EPB41: variants seen among roughly 807,000 people sequenced by gnomAD.
EPB41 encodes erythrocyte membrane protein band 4.1.
A neutral mutation model predicts 108.0 loss-of-function variants in EPB41; 65 were observed. The ratio of observed to expected loss-of-function variants is 0.60; its 90% CI spans 0.49 to 0.74. EPB41 has a LOEUF of 0.74. EPB41 is among the 30% of genes least tolerant of loss of function. The pLI is 0.00. For synonymous variants in EPB41, 336 were observed against 358.9 expected (o/e 0.94, Z 0.72); for missense variants, 875 against 1,037.0 (o/e 0.84, Z 2.15).
chr1:29,100,835 G>C (rs1665083162), intron 17 of EPB41, among the ~76,000 whole-genome samples: 1 of 150,046 alleles, frequency 6.7e-6, no homozygotes, highest in Non-Finnish European at 1.5e-5. Context: ...AGGCTGAGTT[G>C]GGAAGATTTC....
intron 12 of EPB41, among the ~76,000 whole-genome samples, chr1:29,054,727 G>A (rs1226262940): frequency 6.6e-6 from 1 of 152,108 alleles, no homozygotes; most frequent in East Asian, 1.9e-4. Flanking sequence ...ACGCACATCT[G>A]TAGTCCCAGC....
At chr1:29,027,621 G>C (rs1052336952) in intron 7 of EPB41, among the ~76,000 whole-genome samples, 1 of 151,704 alleles carries the variant, frequency 6.6e-6, no homozygotes, top group Non-Finnish European at 1.5e-5. Context: ...ATGAGCCACC[G>C]CGCCTGGCTG....
chr1:28,951,568 A>T (rs1015405111), intron 1 of EPB41, among the ~76,000 whole-genome samples: 2 of 152,168 alleles, frequency 1.3e-5, no homozygotes, highest in Admixed American at 1.3e-4. Flanking sequence ...TGAAATCGAG[A>T]TCAGGCTGGG....
chr1:28,910,388 T>A (rs1292647650), upstream of EPB41, among the ~76,000 whole-genome samples: 1 of 152,214 alleles, frequency 6.6e-6, no homozygotes, highest in Non-Finnish European at 1.5e-5. Context: ...CATATACTTT[T>A]GGTACCAGCA....
intron 1 of EPB41, among the ~76,000 whole-genome samples, chr1:28,968,582 C>G (rs1397722882): frequency 6.6e-6 from 1 of 152,036 alleles, no homozygotes; most frequent in African/African-American, 2.4e-5. Context: ...GAACCTGACA[C>G]TTAATATAAA....
intron 1 of EPB41, among the ~76,000 whole-genome samples, chr1:28,964,337 G>C (rs2095305713): frequency 6.6e-6 from 1 of 152,194 alleles, no homozygotes; most frequent in South Asian, 2.1e-4. Context: ...AGCTACTCAG[G>C]AGGCTGAGGC....
intron 19 of EPB41, among the ~76,000 whole-genome samples, chr1:29,114,287 A>G (rs1241220897): frequency 6.6e-6 from 1 of 151,954 alleles, no homozygotes; most frequent in African/African-American, 2.4e-5. Flanking sequence ...TCAAACAGGG[A>G]CCCCCTCAGA....
At chr1:29,096,585 C>T in intron 16 of EPB41, 1 of 985,626 alleles carries the variant, frequency 1.0e-6, no homozygotes, top group Non-Finnish European at 1.2e-6. Flanking sequence ...CAGTTCCCCA[C>T]CCTCATTCGA....
chr1:28,940,110 T>C (rs1410182098), intron 1 of EPB41, among the ~76,000 whole-genome samples: 1 of 152,118 alleles, frequency 6.6e-6, no homozygotes, highest in Non-Finnish European at 1.5e-5. Context: ...TAACACTTGA[T>C]AGGAGGAGTT....
intron 1 of EPB41, among the ~76,000 whole-genome samples, chr1:28,955,201 A>G (rs1238100724): frequency 1.3e-5 from 2 of 152,204 alleles, no homozygotes; most frequent in African/African-American, 2.4e-5. Flanking sequence ...GGGTATTTGT[A>G]CAAGAACTAA....
Position 28,997,330 on chromosome 1 carries a change from T to G in EPB41, c.786+11T>G. The stretch of plus-strand genomic sequence containing the variant: ...AACGCAACCTCTAAGGTGAGGAGAC[T>G]GCTTGCAATTTAAGAAGCTGACAAA... On this transcript the variant is annotated intron_variant, in intron 4 of 20. Coordinates refer to ENST00000343067, the MANE Select transcript of EPB41 (RefSeq NM_001376013.1). The G allele has an allele frequency of 2.0e-6, 3 of 1,526,344 alleles. No homozygotes were observed. Among genetic ancestry groups the G allele is most frequent in the Non-Finnish European group, 2.7e-6 (3 of 1,100,082 alleles). The allele number at this position is 1,526,344 out of a possible 1,614,324, so 94.6% of individuals were successfully genotyped here.
At chr1:29,002,416 C>A (rs1025172719) in intron 4 of EPB41, among the ~76,000 whole-genome samples, 1 of 150,102 alleles carries the variant, frequency 6.7e-6, no homozygotes, top group Admixed American at 6.6e-5. Context: ...TACACCACTG[C>A]ACTTGCCTGG....
intron 1 of EPB41, among the ~76,000 whole-genome samples, chr1:28,951,835 G>A (rs894441731): frequency 2.0e-5 from 3 of 152,036 alleles, no homozygotes; most frequent in African/African-American, 7.2e-5. Context: ...GCCTGATTGT[G>A]CCATCGTACT....
chr1:29,014,113 T>TA (rs1458339135), intron 5 of EPB41, among the ~76,000 whole-genome samples: 2 of 151,862 alleles, frequency 1.3e-5, no homozygotes, highest in Non-Finnish European at 2.9e-5. Context: ...GGTCAGGAGT[T>TA]AGAGAGCAGC....
intron 12 of EPB41, among the ~76,000 whole-genome samples, chr1:29,057,178 C>A (rs1374251928): frequency 1.3e-5 from 2 of 151,746 alleles, no homozygotes; most frequent in Non-Finnish European, 2.9e-5. Context: ...AGATCGAGAC[C>A]ATCCTGGCTA....
intron 1 of EPB41, among the ~76,000 whole-genome samples, chr1:28,980,307 C>T (rs1011904993): frequency 1.3e-5 from 2 of 151,958 alleles, no homozygotes; most frequent in African/African-American, 4.8e-5. Flanking sequence ...CATTGCACTC[C>T]AGCCTGGGCC....
At chr1:29,076,097 T>A (rs1173021972) in intron 16 of EPB41, among the ~76,000 whole-genome samples, 2 of 152,244 alleles carry the variant, frequency 1.3e-5, no homozygotes, top group Non-Finnish European at 2.9e-5. Context: ...TCTATCTTTT[T>A]CCACATTACT....
At chr1:29,062,952 A>G (rs538805966) in intron 15 of EPB41, among the ~76,000 whole-genome samples, 1 of 152,204 alleles carries the variant, frequency 6.6e-6, no homozygotes, top group Non-Finnish European at 1.5e-5. Flanking sequence ...TTCCAAGCCA[A>G]TCCGAAGCTA....
intron 1 of EPB41, chr1:28,985,935 G>A (rs2095860935): frequency 1.3e-5 from 2 of 150,290 alleles, no homozygotes; most frequent in African/African-American, 2.5e-5. Context: ...ACCCACTAAC[G>A]TGTCATCTAG....
Sources: allele counts gnomAD v4.1 joint callset (sites outside exome capture counted in the v4.1 genomes callset), GRCh38; gene constraint gnomAD v4.1.1; transcripts MANE v1.5; gene names NCBI Gene and HGNC (gene_info 2026-07-23, HGNC 2026-07-21).